Variants in RNF212 observed in about 807,000 individuals in gnomAD.
The protein encoded by RNF212 is probable E3 SUMO-protein ligase RNF212.
In RNF212, 33 loss-of-function variants were observed where a neutral mutation model predicts 34.7. The observed-to-expected ratio is 0.95, with a 90% CI of 0.72 to 1.27. The LOEUF (loss-of-function observed/expected upper bound fraction) is 1.27, where lower values mean the gene tolerates loss of function less well. RNF212 is among the 50% of genes most tolerant of loss of function. RNF212 has a pLI of 0.00. For synonymous variants in RNF212, 140 were observed against 136.1 expected, an observed-to-expected ratio of 1.03 and a Z score of -0.20; for missense variants, 377 against 362.2, an observed-to-expected ratio of 1.04 and a Z score of -0.33.
intron 3 of RNF212, among the ~76,000 whole-genome samples, chr4:1,095,885 C>T (rs1722999288): frequency 1.2e-5 from 1 of 85,430 alleles, no homozygotes; most frequent in South Asian, 4.1e-4. Flanking sequence ...TCCATGGTCT[C>T]AGCATAGCGC....
At chr4:1,061,327 G>A (rs28562028) in intron 3 of RNF212, among the ~76,000 whole-genome samples, 123,403 of 152,122 alleles carry the variant, frequency 0.81, 50,770 homozygotes, top group African/African-American at 0.94. Flanking sequence ...GGAGGGGAAC[G>A]CTTTCATCAG....
downstream of RNF212, among the ~76,000 whole-genome samples, chr4:1,070,025 G>A (rs1718342808): frequency 6.6e-6 from 1 of 151,242 alleles, no homozygotes; most frequent in Admixed American, 6.6e-5. Context: ...CCTGGCCTGA[G>A]TTACAGGTGG....
chr4:1,085,590 G>A (rs530533480), intron 5 of RNF212: 1 of 487,590 alleles, frequency 2.1e-6, no homozygotes, highest in East Asian at 3.6e-5. Context: ...ACCTGTGCTG[G>A]GTCACTCTGA....
At chr4:1,083,868 C>T (rs140154714) in intron 5 of RNF212, among the ~76,000 whole-genome samples, 2,236 of 149,298 alleles carry the variant, frequency 0.015, 25 homozygotes, top group Non-Finnish European at 0.02. Flanking sequence ...AGAACTGATG[C>T]AAAACACGAA....
At position 1,085,876 on chromosome 4, in the gene RNF212, C is replaced by CG; in HGVS notation, c.362+19dup. 6.3e-7 allele frequency: 1 copy of CG among 1,598,406 alleles called. No homozygotes were observed. ...AGTGGGTGCCTCGACTGCGCACTCACGGGGGGTGGGGCGCCTTACCTTTGT... is the reference window on the plus strand; with the variant it reads ...AGTGGGTGCCTCGACTGCGCACTCACGGGGGGGTGGGGCGCCTTACCTTTGT... On this transcript the variant is annotated intron_variant, in intron 5 of 9. Transcript: ENST00000433731.
chr4:1,093,793 G>C, intron 3 of RNF212: 1 of 1,536,150 alleles, frequency 6.5e-7, no homozygotes, highest in East Asian at 2.4e-5. Context: ...GATGGAGCAG[G>C]GTGAGGGGGT....
intron 4 of RNF212, chr4:1,056,717 C>T: frequency 1.8e-6 from 1 of 570,968 alleles, no homozygotes; most frequent in Non-Finnish European, 2.2e-6. Context: ...AACTCAGAAA[C>T]ACAACTCTTG....
intron 3 of RNF212, among the ~76,000 whole-genome samples, chr4:1,061,740 C>T (rs1175775068): frequency 6.6e-6 from 1 of 152,188 alleles, no homozygotes; most frequent in African/African-American, 2.4e-5. Context: ...GACACATCTG[C>T]GGCTGCCGTG....
intron 3 of RNF212, among the ~76,000 whole-genome samples, chr4:1,095,180 G>A (rs187688273): frequency 1.8e-5 from 2 of 113,336 alleles, no homozygotes; most frequent in African/African-American, 8.4e-5. Context: ...ATGGTCTCGG[G>A]ATAGCGCACC....
chr4:1,109,658 C>T (rs139353698), intron 1 of RNF212, among the ~76,000 whole-genome samples: 19 of 152,292 alleles, frequency 1.2e-4, no homozygotes, highest in African/African-American at 4.3e-4. Context: ...CTGCTCAAAC[C>T]AGGGCCCTCA....
At chr4:1,068,472 CT>C (rs1718235186), downstream of RNF212, among the ~76,000 whole-genome samples, 1 of 152,210 alleles carries the variant, frequency 6.6e-6, no homozygotes, top group Admixed American at 6.5e-5. Flanking sequence ...ATCTTCTGCT[CT>C]ACTGTTGCTC....
rs570535420 is a variant in RNF212, at chr4:1,082,865, G to A, written c.363-1246C>T. 3.0e-4 allele frequency among the ~76,000 whole-genome samples: 45 copies of A among 152,328 alleles called. 1 individual carries two copies. The highest frequency in any genetic ancestry group is 1.0e-3 in the African/African-American group (43 of 41,578). Reference sequence around the variant, plus strand: ...GCCTTCTGCGTCTGGCAGGGCCGTGGCCTGGCTCCTCTGAAGGGCACTTGC... The same window carrying A: ...GCCTTCTGCGTCTGGCAGGGCCGTGACCTGGCTCCTCTGAAGGGCACTTGC... On this transcript the variant is annotated intron_variant, in intron 5 of 9. Transcript: ENST00000433731.
intron 2 of RNF212, 84 bp downstream of exon 2, chr4:1,108,259 C>G: frequency 1.1e-6 from 1 of 889,498 alleles, no homozygotes; most frequent in Non-Finnish European, 1.7e-6. Flanking sequence ...ATTTTAGACA[C>G]CACAAATGAC....
At chr4:1,075,199 T>A (rs1719087745) in intron 8 of RNF212, among the ~76,000 whole-genome samples, 2 of 152,250 alleles carry the variant, frequency 1.3e-5, no homozygotes, top group African/African-American at 4.8e-5. Context: ...TGTTCACATC[T>A]GCATTTGGCT....
downstream of RNF212, among the ~76,000 whole-genome samples, chr4:1,069,650 G>A (rs902622247): frequency 3.3e-5 from 5 of 152,242 alleles, no homozygotes; most frequent in African/African-American, 1.2e-4. Flanking sequence ...GGTCACCTCT[G>A]TGCTCCGATG....
chr4:1,112,557 G>T (rs1725854259), intron 1 of RNF212, among the ~76,000 whole-genome samples: 1 of 152,082 alleles, frequency 6.6e-6, no homozygotes, highest in East Asian at 1.9e-4. Flanking sequence ...GCTGCCCATG[G>T]AATAGGGCCA....
chr4:1,093,670 C>T (rs1249252358), intron 3 of RNF212: 6 of 1,535,934 alleles, frequency 3.9e-6, no homozygotes, highest in Non-Finnish European at 5.2e-6. Flanking sequence ...CTTGGCAAAA[C>T]CACCCTGGAG....
At chr4:1,096,880 T>C (rs776165006) in intron 2 of RNF212, 41 bp from the exon 3 acceptor site, 1 of 1,441,264 alleles carries the variant, frequency 6.9e-7, no homozygotes, top group South Asian at 1.1e-5. Flanking sequence ...TTGTGTCTAA[T>C]AAACGCTTCT....
chr4:1,083,212 C>G (rs1311308097), intron 5 of RNF212, among the ~76,000 whole-genome samples: 1 of 152,132 alleles, frequency 6.6e-6, no homozygotes, highest in Admixed American at 6.5e-5. Context: ...CTGAGGATAT[C>G]AGGTAAGGAA....
Sources: allele counts gnomAD v4.1 joint callset (sites outside exome capture counted in the v4.1 genomes callset), GRCh38; gene constraint gnomAD v4.1.1; transcripts MANE v1.5; gene names NCBI Gene and HGNC (gene_info 2026-07-23, HGNC 2026-07-21).